The following VPS45 variants were observed in gnomAD, a reference collection of about 807,000 sequenced individuals.
VPS45 encodes the protein vacuolar protein sorting-associated protein 45.
Under a neutral mutation model 75.9 loss-of-function variants are expected in VPS45, and 35 were observed. The observed-to-expected ratio is 0.46, with a 90% confidence interval of 0.35 to 0.61. The LOEUF is 0.61. VPS45 is among the 20% of genes least tolerant of loss of function. VPS45 has a pLI of 0.00. For missense variants in VPS45, 559 were observed against 685.9 expected, an observed-to-expected ratio of 0.81 and a Z score of 2.07; for synonymous variants, 220 against 238.2, an observed-to-expected ratio of 0.92 and a Z score of 0.70.
At chr1:150,112,221 T>C (rs1473115772) in intron 14 of VPS45, among the ~76,000 whole-genome samples, 2 of 152,116 alleles carry the variant, frequency 1.3e-5, no homozygotes, top group Non-Finnish European at 2.9e-5. Flanking sequence ...CTAGTATTTA[T>C]TTTGCAAATC....
chr1:150,104,374 A>G (rs1249759965), intron 13 of VPS45, among the ~76,000 whole-genome samples: 3 of 152,186 alleles, frequency 2.0e-5, no homozygotes, highest in Non-Finnish European at 2.9e-5. Context: ...TTAGTATTCC[A>G]TGGTGTATAT....
chr1:150,072,305 A>G (rs1296089034), intron 3 of VPS45, 79 bp downstream of exon 3: 3 of 977,390 alleles, frequency 3.1e-6, no homozygotes, highest in East Asian at 2.6e-5. Flanking sequence ...CATATCATCA[A>G]TAACTTCATT....
intron 14 of VPS45, among the ~76,000 whole-genome samples, chr1:150,121,688 A>C (rs1430832373): frequency 6.6e-6 from 1 of 152,230 alleles, no homozygotes; most frequent in Non-Finnish European, 1.5e-5. Context: ...TAGAACAGTC[A>C]GGAGTTCTAG....
At chr1:150,139,372 C>G (rs1344230711) in intron 14 of VPS45, among the ~76,000 whole-genome samples, 1 of 152,182 alleles carries the variant, frequency 6.6e-6, no homozygotes, top group Non-Finnish European at 1.5e-5. Context: ...GAGCCTTGAT[C>G]CCTTTGCACT....
chr1:150,126,289 C>G (rs1212099402), intron 14 of VPS45, among the ~76,000 whole-genome samples: 4 of 151,964 alleles, frequency 2.6e-5, no homozygotes, highest in African/African-American at 9.7e-5. Context: ...CGGCTCACTG[C>G]AAGCTCCGCC....
chr1:150,084,025 T>C (rs1553800119), intron 10 of VPS45, among the ~76,000 whole-genome samples: 1 of 152,114 alleles, frequency 6.6e-6, no homozygotes, highest in African/African-American at 2.4e-5. Flanking sequence ...TTGAGGTTAT[T>C]AGGAACAGTT....
intron 2 of VPS45, among the ~76,000 whole-genome samples, chr1:150,069,829 C>T (rs75472288): frequency 0.061 from 9,274 of 152,188 alleles, 405 homozygotes; most frequent in Non-Finnish European, 0.091. Context: ...TATGAACTTT[C>T]CAAAATGCAA....
chr1:150,100,117 G>A (rs1553803939), intron 13 of VPS45, among the ~76,000 whole-genome samples: 1 of 152,156 alleles, frequency 6.6e-6, no homozygotes, highest in Non-Finnish European at 1.5e-5. Flanking sequence ...TCCTTCAGCT[G>A]ATAAACAACT....
At chr1:150,070,663 G>A (rs1553796866) in intron 2 of VPS45, among the ~76,000 whole-genome samples, 1 of 149,468 alleles carries the variant, frequency 6.7e-6, no homozygotes, top group African/African-American at 2.5e-5. Context: ...AAAAAAATTA[G>A]CCAGGCATGG....
At chr1:150,112,751 G>T (rs782708909) in intron 14 of VPS45, among the ~76,000 whole-genome samples, 1 of 152,050 alleles carries the variant, frequency 6.6e-6, no homozygotes, top group African/African-American at 2.4e-5. Context: ...CCCGTATTTC[G>T]GGAGTGACTG....
chr1:150,114,138 TG>T (rs1657794258), intron 14 of VPS45, among the ~76,000 whole-genome samples: 1 of 152,100 alleles, frequency 6.6e-6, no homozygotes, highest in African/African-American at 2.4e-5. Context: ...CCCTCCACTT[TG>T]TTTCTTTCCT....
At chr1:150,101,346 G>GA (rs1248811522) in intron 13 of VPS45, among the ~76,000 whole-genome samples, 148 of 150,562 alleles carry the variant, frequency 9.8e-4, no homozygotes, top group African/African-American at 3.3e-3. Flanking sequence ...ACAAGCATAT[G>GA]AAAAAAAACT....
chr1:150,079,333 G>A (rs1245405155), intron 7 of VPS45, among the ~76,000 whole-genome samples: 1 of 152,152 alleles, frequency 6.6e-6, no homozygotes, highest in East Asian at 1.9e-4. Context: ...AAGGCAGACT[G>A]AGTCTCACCA....
intron 13 of VPS45, among the ~76,000 whole-genome samples, chr1:150,108,814 C>A (rs2101605054): frequency 6.6e-6 from 1 of 152,272 alleles, no homozygotes; most frequent in East Asian, 1.9e-4. Context: ...CTATGAGAAT[C>A]TAACGCCTCC....
chr1:150,067,725 C>T (rs1229594911), upstream of VPS45: 1 of 815,822 alleles, frequency 1.2e-6, no homozygotes, highest in Non-Finnish European at 2.0e-6. Flanking sequence ...CTCCCAGCAC[C>T]GTGGCTGCCC....
At chr1:150,077,506 T>G (rs1423303169) in intron 6 of VPS45, 163 bp from the exon 7 acceptor site, 3 of 682,976 alleles carry the variant, frequency 4.4e-6, no homozygotes, top group Admixed American at 3.0e-5. Flanking sequence ...ACCTCTTAAA[T>G]AGTATGCTAC....
chr1:150,123,202 T>C (rs1553810045), intron 14 of VPS45, among the ~76,000 whole-genome samples: 1 of 152,194 alleles, frequency 6.6e-6, no homozygotes. Context: ...CAGTACTTTA[T>C]TCCTTTTTAT....
intron 14 of VPS45, among the ~76,000 whole-genome samples, chr1:150,136,122 G>A (rs1255812942): frequency 6.7e-6 from 1 of 150,310 alleles, no homozygotes; most frequent in Non-Finnish European, 1.5e-5. Flanking sequence ...GGTGGTGCAT[G>A]CCTGTAATCC....
At chr1:150,115,013 C>T (rs1422841309) in intron 14 of VPS45, among the ~76,000 whole-genome samples, 1 of 151,314 alleles carries the variant, frequency 6.6e-6, no homozygotes, top group African/African-American at 2.4e-5. Flanking sequence ...TGATAATTTT[C>T]ACTTACTTAA....
Sources: allele counts gnomAD v4.1 joint callset (sites outside exome capture counted in the v4.1 genomes callset), GRCh38; gene constraint gnomAD v4.1.1; transcripts MANE v1.5; gene names NCBI Gene and HGNC (gene_info 2026-07-23, HGNC 2026-07-21).